The following TMEM233 variants were observed in gnomAD, a reference collection of about 807,000 sequenced individuals.
TMEM233 encodes dispanin subfamily B member 2.
In TMEM233, 6 loss-of-function variants were observed where a neutral mutation model predicts 11.2. That is an observed-to-expected ratio of 0.54 (90% confidence interval 0.29 to 1.06). The LOEUF (loss-of-function observed/expected upper bound fraction) is 1.06, where lower values mean the gene tolerates loss of function less well. TMEM233 is among the 50% of genes least tolerant of loss of function. TMEM233 has a pLI of 0.08. For missense variants in TMEM233, 127 were observed against 144.7 expected, an observed-to-expected ratio of 0.88 and a Z score of 0.63; for synonymous variants, 59 against 55.8, an observed-to-expected ratio of 1.06 and a Z score of -0.26.
chr12:119,626,598 AAAAAG>A lies in TMEM233; in HGVS notation c.187-3123_187-3119del, dbSNP rs147151749. 6.1e-3 allele frequency among the ~76,000 whole-genome samples: 876 copies of A among 143,722 alleles called. 16 individuals carry two copies. Among genetic ancestry groups the A allele is most frequent in the South Asian group, 9.2e-3 (41 of 4,472 alleles). 94.3% of individuals were successfully genotyped at this position (143,722 alleles called of 152,430 possible). A position where few individuals can be genotyped will look rare whatever the true frequency, so the allele number is the denominator to read the frequency against. ...AGAGAAGAGAAGAGAAGAGAAGAGA[AAAAAG>A]AAAAGAAAAGAAAACTACACAGGTA... is the stretch of plus-strand genomic sequence containing the variant. On this transcript the variant is annotated intron_variant, in intron 1 of 2. Transcript: ENST00000426426.
chr12:119,625,424 C>T (rs776139558), intron 1 of TMEM233, among the ~76,000 whole-genome samples: 9 of 148,984 alleles, frequency 6.0e-5, no homozygotes, highest in Non-Finnish European at 1.0e-4. Flanking sequence ...GGCTGGAGTG[C>T]AGTGGCACGA....
At chr12:119,634,774 G>A (rs190714149) in intron 2 of TMEM233, among the ~76,000 whole-genome samples, 9 of 152,200 alleles carry the variant, frequency 5.9e-5, no homozygotes, top group South Asian at 2.1e-4. Flanking sequence ...TTGAAATCCC[G>A]GGTAGTTTAC....
At position 119,594,041 on chromosome 12, in the gene TMEM233, G is replaced by C. The variant is rs1166014373; in HGVS notation, c.186+7G>C. ...TTTGGTCTTTTCCATCATGGTGAGT[G>C]AATCACGGCCAGAGGCAGCCTGGGA... On this transcript the variant is annotated splice_region_variant and intron_variant, in intron 1 of 2. Coordinates refer to ENST00000426426, the MANE Select transcript of TMEM233 (RefSeq NM_001136534.3). This position sits in a 1 kb window ranked among gnomAD's most constrained non-coding sequence, Gnocchi z 5.6. The C allele has an allele frequency of 1.3e-6, 2 of 1,551,330 alleles. No individual in the cohort carries two copies. Among genetic ancestry groups the C allele is most frequent in the East Asian group, 4.9e-5 (2 of 40,886 alleles).
intron 1 of TMEM233, among the ~76,000 whole-genome samples, chr12:119,598,257 G>A (rs2136669593): frequency 6.6e-6 from 1 of 152,264 alleles, no homozygotes; most frequent in South Asian, 2.1e-4. Context: ...AAGAGTGTTG[G>A]CAAATTTAGG....
chr12:119,613,991 G>A (rs371362946), intron 1 of TMEM233, among the ~76,000 whole-genome samples: 11 of 151,972 alleles, frequency 7.2e-5, no homozygotes, highest in Non-Finnish European at 4.4e-5. Flanking sequence ...CAAGGGAAAA[G>A]GCTCCAAACG....
chr12:119,602,533 GTCA>G (rs1954188867), intron 1 of TMEM233, among the ~76,000 whole-genome samples: 1 of 152,192 alleles, frequency 6.6e-6, no homozygotes, highest in South Asian at 2.1e-4. Context: ...TCTGAAGTGT[GTCA>G]TCATGGGAAG....
Position 119,640,628 on chromosome 12 carries a change from G to A in TMEM233, c.324-71G>A, listed in dbSNP as rs996284448. ...ATCATCATCAAATAAGGAAGGCATC[G>A]AGCTGGGAAAGCCAACCACAGAAGC... On this transcript the variant is annotated intron_variant, in intron 2 of 2. Coordinates refer to ENST00000426426, the MANE Select transcript of TMEM233 (RefSeq NM_001136534.3). 1.5e-5 allele frequency: 23 copies of A among 1,515,660 alleles called. No homozygotes were observed. The African/African-American group carries it at 1.7e-4, about 11-fold the overall frequency. The allele number at this position is 1,515,660 out of a possible 1,614,324, so 93.9% of individuals were successfully genotyped here. A position where few individuals can be genotyped will look rare whatever the true frequency, so the allele number is the denominator to read the frequency against.
Position 119,625,252 on chromosome 12 carries a change from C to G in TMEM233, c.187-4484C>G, listed in dbSNP as rs148432108. On this transcript the variant is annotated intron_variant, in intron 1 of 2. Transcript: ENST00000426426. ...CATATGTCTAATCCCCCTTAATAGT[C>G]CAGGAAGAGGAGCAATTATTACTGA... is the stretch of plus-strand genomic sequence containing the variant. Among the ~76,000 whole-genome samples, 41 of 152,218 alleles carry G rather than the reference C, an allele frequency of 2.7e-4. No homozygotes were observed. In the East Asian group the frequency reaches 7.3e-3, roughly 27 times the overall value.
chr12:119,594,153 T>A lies in TMEM233; in HGVS notation c.186+119T>A. On this transcript the variant is annotated intron_variant, in intron 1 of 2. Coordinates refer to ENST00000426426, the MANE Select transcript of TMEM233 (RefSeq NM_001136534.3). The surrounding 1 kb of genome is among the most constrained non-coding windows in gnomAD (Gnocchi z 5.6). ...TCCTCACGGCCCGGCCCGCGCTAGG[T>A]GTTCTTTGTCCTCGCACCTCCTCCT... 1 of 1,048,630 alleles carries A rather than the reference T, an allele frequency of 9.5e-7. No homozygotes were observed. Among genetic ancestry groups the A allele is most frequent in the Non-Finnish European group, 1.4e-6 (1 of 730,506 alleles). The allele number at this position is 1,048,630 out of a possible 1,614,324, so 65.0% of individuals were successfully genotyped here. A position where few individuals can be genotyped will look rare whatever the true frequency, so the allele number is the denominator to read the frequency against.
At chr12:119,603,365 G>A (rs1326543526) in intron 1 of TMEM233, among the ~76,000 whole-genome samples, 3 of 152,188 alleles carry the variant, frequency 2.0e-5, no homozygotes, top group African/African-American at 7.2e-5. Context: ...AAGATAACAA[G>A]ACAGCAGCTA....
intron 2 of TMEM233, 115 bp from the exon 3 acceptor site, chr12:119,640,584 C>A: frequency 8.6e-7 from 1 of 1,167,536 alleles, no homozygotes. Context: ...TACATTTCAA[C>A]ATGTGTTTAA....
At chr12:119,647,820 T>C (rs557285546), downstream of TMEM233, among the ~76,000 whole-genome samples, 33 of 104,606 alleles carry the variant, frequency 3.2e-4, no homozygotes, top group African/African-American at 1.2e-3. Flanking sequence ...TTCCCCTCCC[T>C]GTGTCCATGT....
In TMEM233 at chr12:119,593,829, C is replaced by G. The variant is rs772832749; in HGVS notation, c.-20C>G. 1 of 1,549,126 alleles carries G rather than the reference C, an allele frequency of 6.5e-7. No individual in the cohort carries two copies. The highest frequency in any genetic ancestry group is 8.7e-7 in the Non-Finnish European group (1 of 1,145,330). ...CAGACCGTGCGCTCCTCCGCCCTCC[C>G]GGCGCCGCCGGCCTCGCCCATGTCT... On this transcript the variant is annotated 5_prime_UTR_variant, in exon 1 of 3. Coordinates refer to ENST00000426426, the MANE Select transcript of TMEM233 (RefSeq NM_001136534.3). This position sits in a 1 kb window ranked among gnomAD's most constrained non-coding sequence, Gnocchi z 4.1.
chr12:119,618,167 G>A (rs1593293716), intron 1 of TMEM233, among the ~76,000 whole-genome samples: 2 of 152,216 alleles, frequency 1.3e-5, no homozygotes, highest in Non-Finnish European at 2.9e-5. Context: ...GCTTCCATGT[G>A]GTGTTAGTCC....
At chr12:119,648,752 G>GAATTAATTAATT in the TMEM233 span, among the ~76,000 whole-genome samples, 4 of 152,164 alleles carry the variant, frequency 2.6e-5, 1 homozygote, top group African/African-American at 9.6e-5. Context: ...ATGAATGAAT[G>GAATTAATTAATT]AATTAATTAA....
chr12:119,608,677 A>C (rs1330180962), intron 1 of TMEM233, among the ~76,000 whole-genome samples: 1 of 152,226 alleles, frequency 6.6e-6, no homozygotes, highest in Non-Finnish European at 1.5e-5. Flanking sequence ...GGAAGAGCTT[A>C]AAGTCAACAT....
chr12:119,606,681 A>C (rs1185128233), intron 1 of TMEM233, among the ~76,000 whole-genome samples: 1 of 152,248 alleles, frequency 6.6e-6, no homozygotes, highest in Non-Finnish European at 1.5e-5. Context: ...TTAAAATGAA[A>C]AACCATGAGC....
chr12:119,607,268 G>T (rs1954299150), intron 1 of TMEM233, among the ~76,000 whole-genome samples: 1 of 152,114 alleles, frequency 6.6e-6, no homozygotes, highest in Admixed American at 6.6e-5. Context: ...GACATTCATT[G>T]AATTATTTAA....
chr12:119,629,409 C>CA (rs56377138), intron 1 of TMEM233, among the ~76,000 whole-genome samples: 6,235 of 27,858 alleles, frequency 0.22, 170 homozygotes, highest in Non-Finnish European at 0.43. Context: ...GACTCTGTCT[C>CA]AAAAAAAAAA....
Sources: allele counts gnomAD v4.1 joint callset (sites outside exome capture counted in the v4.1 genomes callset), GRCh38; gene constraint gnomAD v4.1.1; non-coding constraint Gnocchi (gnomAD v3.1); transcripts MANE v1.5; gene names NCBI Gene and HGNC (gene_info 2026-07-23, HGNC 2026-07-21).